CTTNBP2: variants seen among roughly 807,000 people sequenced by gnomAD.
CTTNBP2 encodes cortactin-binding protein 2.
Under a neutral mutation model 156.9 loss-of-function variants are expected in CTTNBP2, and 108 were observed. The observed-to-expected ratio is 0.69, with a 90% CI of 0.59 to 0.81. The LOEUF is 0.81. Ranked by LOEUF, CTTNBP2 falls within the 30% of genes least tolerant of loss-of-function variation. The probability of loss-of-function intolerance (pLI) is 0.00; values close to 1 mark genes in which losing one functional copy is unlikely to be tolerated. For missense variants in CTTNBP2, 1,924 were observed against 2,035.4 expected, an observed-to-expected ratio of 0.95 and a Z score of 1.05; for synonymous variants, 767 against 751.8, an observed-to-expected ratio of 1.02 and a Z score of -0.33.
At chr7:117,760,296 C>T in intron 10 of CTTNBP2, 139 bp downstream of exon 10, 1 of 760,080 alleles carries the variant, frequency 1.3e-6, no homozygotes, top group South Asian at 1.9e-5. Context: ...TGTGAATACT[C>T]AAGTTTTTCA....
intron 3 of CTTNBP2, among the ~76,000 whole-genome samples, chr7:117,805,371 G>A (rs1417087812): frequency 1.3e-5 from 2 of 152,126 alleles, no homozygotes; most frequent in Admixed American, 6.5e-5. Flanking sequence ...TTCTACCACC[G>A]AGTGGCTATA....
At chr7:117,755,346 A>C (rs1162295032) in intron 12 of CTTNBP2, 1 of 290,546 alleles carries the variant, frequency 3.4e-6, no homozygotes, top group Non-Finnish European at 6.7e-6. Flanking sequence ...AAAGGCATCA[A>C]TTCACAGTCT....
intron 2 of CTTNBP2, among the ~76,000 whole-genome samples, chr7:117,812,285 GA>G (rs1332974041): frequency 1.3e-5 from 2 of 151,362 alleles, no homozygotes; most frequent in East Asian, 3.9e-4. Context: ...CCACTAGAAT[GA>G]AAAAAAATCT....
intron 2 of CTTNBP2, among the ~76,000 whole-genome samples, chr7:117,819,747 C>T (rs997887988): frequency 1.3e-5 from 2 of 152,140 alleles, no homozygotes; most frequent in South Asian, 2.1e-4. Context: ...TCACCTCCCA[C>T]CTTCATCCCC....
At chr7:117,768,872 G>A (rs955986482) in intron 8 of CTTNBP2, among the ~76,000 whole-genome samples, 1 of 152,140 alleles carries the variant, frequency 6.6e-6, no homozygotes, top group African/African-American at 2.4e-5. Context: ...ATTCATCCAT[G>A]TGTTGGGAGT....
chr7:117,758,096 T>C, intron 10 of CTTNBP2, 126 bp from the exon 11 acceptor site: 1 of 669,776 alleles, frequency 1.5e-6, no homozygotes, highest in Non-Finnish European at 2.5e-6. Context: ...CAAAGGCATG[T>C]ACGGAACACA....
At chr7:117,857,959 C>T (rs1365198948) in intron 2 of CTTNBP2, among the ~76,000 whole-genome samples, 2 of 152,206 alleles carry the variant, frequency 1.3e-5, no homozygotes, top group Non-Finnish European at 2.9e-5. Context: ...TAAATCACCA[C>T]AGTGATACTA....
At chr7:117,794,154 G>A (rs35160894) in intron 3 of CTTNBP2, among the ~76,000 whole-genome samples, 2,508 of 152,256 alleles carry the variant, frequency 0.016, 23 homozygotes, top group South Asian at 0.034. Flanking sequence ...ATCAACTTCC[G>A]TTACTGATGG....
intron 3 of CTTNBP2, among the ~76,000 whole-genome samples, chr7:117,795,088 G>A (rs1396884384): frequency 7.5e-4 from 112 of 149,978 alleles, no homozygotes; most frequent in Middle Eastern, 3.4e-3. Context: ...AGTAGAGACG[G>A]GGTTTCACCT....
chr7:117,719,899 C>T (rs111802034), intron 20 of CTTNBP2, among the ~76,000 whole-genome samples: 5 of 152,022 alleles, frequency 3.3e-5, no homozygotes, highest in Non-Finnish European at 7.4e-5. Context: ...TTATTCTTGC[C>T]GTTTCTTGTC....
intron 2 of CTTNBP2, among the ~76,000 whole-genome samples, chr7:117,849,785 C>G (rs1210132270): frequency 6.6e-6 from 1 of 152,196 alleles, no homozygotes; most frequent in Non-Finnish European, 1.5e-5. Context: ...GAACTCTTTT[C>G]TCTGGGCTTT....
At chr7:117,845,699 G>A (rs1375878331) in intron 2 of CTTNBP2, among the ~76,000 whole-genome samples, 1 of 152,126 alleles carries the variant, frequency 6.6e-6, no homozygotes, top group East Asian at 1.9e-4. Context: ...TCTCTATGGA[G>A]GGTTTTCAAA....
intron 14 of CTTNBP2, among the ~76,000 whole-genome samples, chr7:117,740,998 A>G (rs1795981067): frequency 6.6e-6 from 1 of 152,164 alleles, no homozygotes; most frequent in African/African-American, 2.4e-5. Context: ...CCAGTCCACA[A>G]TGTTCCTGAT....
chr7:117,764,136 A>G (rs1479388494), intron 9 of CTTNBP2, among the ~76,000 whole-genome samples: 1 of 152,100 alleles, frequency 6.6e-6, no homozygotes, highest in East Asian at 1.9e-4. Context: ...CATCTATGGT[A>G]TCCTGTGTAT....
At chr7:117,823,390 A>T (rs2117038555) in intron 2 of CTTNBP2, among the ~76,000 whole-genome samples, 1 of 152,352 alleles carries the variant, frequency 6.6e-6, no homozygotes, top group South Asian at 2.1e-4. Context: ...TAATATATTA[A>T]AATTTGCTTT....
In CTTNBP2 at chr7:117,760,571, T is replaced by A; in HGVS notation, c.3036A>T (p.Ala1012=). The A allele has an allele frequency of 6.2e-7, 1 of 1,614,210 alleles. No homozygotes were observed. Among genetic ancestry groups the A allele is most frequent in the South Asian group, 1.1e-5 (1 of 91,092 alleles). The change falls in exon 10 of 23, where the codon GCA becomes GCT. Residue 1012 remains alanine (A), a synonymous_variant. Coordinates refer to ENST00000160373, the MANE Select transcript of CTTNBP2 (RefSeq NM_033427.3). The stretch of plus-strand genomic sequence containing the variant: ...AATGATTTGTCAGAGCTTGACTCAC[T>A]GCTTTTGAAAAATCATCCCATGATG... ...KQTSWDDFSK[A]VSQALTNHFQ...
Position 117,792,860 on chromosome 7 carries a change from T to A in CTTNBP2, c.415-79A>T. The A allele has an allele frequency of 9.5e-7, 1 of 1,055,328 alleles. No homozygotes were observed. Among genetic ancestry groups the A allele is most frequent in the South Asian group, 2.6e-5 (1 of 38,268 alleles). 65.4% of individuals were successfully genotyped at this position (1,055,328 alleles called of 1,614,324 possible). A position where few individuals can be genotyped will look rare whatever the true frequency, so the allele number is the denominator to read the frequency against. On this transcript the variant is annotated intron_variant, in intron 3 of 22. Coordinates refer to ENST00000160373, the MANE Select transcript of CTTNBP2 (RefSeq NM_033427.3). The surrounding 1 kb of genome is among the most constrained non-coding windows in gnomAD (Gnocchi z 4.2). ...CAAGGAAATGCTTTTTGTGAGATTT[T>A]TATTAATTTTCTAACAATTACATAA...
intron 8 of CTTNBP2, among the ~76,000 whole-genome samples, chr7:117,775,300 C>T (rs1798031877): frequency 6.6e-6 from 1 of 152,088 alleles, no homozygotes; most frequent in African/African-American, 2.4e-5. Flanking sequence ...TAAAAAAACA[C>T]AGGAGAGTCA....
rs775124186 is a variant in CTTNBP2, at chr7:117,728,105, C to T, written c.4039G>A (p.Ala1347Thr). 1 of 1,613,324 alleles carries T rather than the reference C, an allele frequency of 6.2e-7. No homozygotes were observed. The highest frequency in any genetic ancestry group is 8.5e-7 in the Non-Finnish European group (1 of 1,179,714). ...GGCACTTACTTCACTGTCACTTGGGCATGCCCAGGAACTACAGGACAAGAC... is the reference window on the plus strand; with the variant it reads ...GGCACTTACTTCACTGTCACTTGGGTATGCCCAGGAACTACAGGACAAGAC... ...FLSCPVVPGHAQVTVKWMSKL... is the reference protein window; with the variant it reads ...FLSCPVVPGHTQVTVKWMSKL... Residue 1347 changes from alanine (A) to threonine (T), a missense_variant, in exon 17 of 23, where the codon GCC (alanine) becomes ACC (threonine). Physicochemically the swap from Ala to Thr is moderately conservative, Grantham distance 58. Coordinates refer to ENST00000160373, the MANE Select transcript of CTTNBP2 (RefSeq NM_033427.3).
Sources: allele counts gnomAD v4.1 joint callset (sites outside exome capture counted in the v4.1 genomes callset), GRCh38; gene constraint gnomAD v4.1.1; non-coding constraint Gnocchi (gnomAD v3.1); transcripts MANE v1.5; gene names NCBI Gene and HGNC (gene_info 2026-07-23, HGNC 2026-07-21).